PCNX1: variants seen among roughly 807,000 people sequenced by gnomAD.
The protein encoded by PCNX1 is pecanex-like protein 1.
In PCNX1, 78 loss-of-function variants were observed where a neutral mutation model predicts 242.2. The ratio of observed to expected loss-of-function variants is 0.32; its 90% CI spans 0.27 to 0.39. The LOEUF (loss-of-function observed/expected upper bound fraction) is 0.39, where lower values mean the gene tolerates loss of function less well. Among genes scored for constraint, PCNX1 ranks in the 10% least tolerant of loss-of-function variants. The pLI, the probability that PCNX1 is intolerant of heterozygous loss-of-function variation, is 1.00. For missense variants in PCNX1, 2,581 were observed against 2,856.5 expected, an observed-to-expected ratio of 0.90 and a Z score of 2.20; for synonymous variants, 1,024 against 1,032.9, an observed-to-expected ratio of 0.99 and a Z score of 0.17.
In PCNX1 at chr14:70,949,316, TACAC is replaced by T. The variant is rs558134121; in HGVS notation, c.362+2196_362+2199del. Among the ~76,000 whole-genome samples, 371 of 131,754 alleles carry T rather than the reference TACAC, an allele frequency of 2.8e-3. 1 individual carries two copies. Among genetic ancestry groups the T allele is most frequent in the African/African-American group, 0.01 (350 of 33,950 alleles). 86.4% of individuals were successfully genotyped at this position (131,754 alleles called of 152,430 possible). A position where few individuals can be genotyped will look rare whatever the true frequency, so the allele number is the denominator to read the frequency against. ...GTGTGTACACACATATGTGTGTAGA[TACAC>T]ACGTGTATACACGCACGTGCATACA... On this transcript the variant is annotated intron_variant, in intron 2 of 35. Transcript: ENST00000304743.
intron 3 of PCNX1, among the ~76,000 whole-genome samples, chr14:70,966,251 C>T (rs929340379): frequency 6.6e-6 from 1 of 152,132 alleles, no homozygotes; most frequent in African/African-American, 2.4e-5. Flanking sequence ...ATGTTTTTGT[C>T]AACAAGTAAT....
At chr14:70,942,987 CACTT>C (rs1469845794) in intron 1 of PCNX1, 2 of 153,016 alleles carry the variant, frequency 1.3e-5, no homozygotes, top group Non-Finnish European at 2.9e-5. Context: ...GCTGGGTACT[CACTT>C]CTTTCTCCTG....
At chr14:71,055,912 C>T (rs2061171351) in intron 25 of PCNX1, among the ~76,000 whole-genome samples, 1 of 152,156 alleles carries the variant, frequency 6.6e-6, no homozygotes, top group Non-Finnish European at 1.5e-5. Flanking sequence ...TAGTATGTTT[C>T]CTTCCACCCT....
intron 6 of PCNX1, among the ~76,000 whole-genome samples, chr14:70,985,794 ATTC>A (rs1031181415): frequency 2.0e-5 from 3 of 152,166 alleles, no homozygotes; most frequent in Admixed American, 2.0e-4. Context: ...AATTAATTTC[ATTC>A]TTCTTTGCCA....
At chr14:70,949,681 A>G (rs2057699987) in intron 2 of PCNX1, among the ~76,000 whole-genome samples, 2 of 152,082 alleles carry the variant, frequency 1.3e-5, no homozygotes, top group South Asian at 2.1e-4. Flanking sequence ...TTCCTTTCCC[A>G]TCCCAGCTGA....
chr14:71,060,674 T>C (rs1015142395), intron 26 of PCNX1: 3 of 152,202 alleles, frequency 2.0e-5, no homozygotes, highest in African/African-American at 7.2e-5. Context: ...ATAGCTGTGA[T>C]CTTGAAGAAC....
At chr14:70,997,617 A>G (rs1162290900) in intron 8 of PCNX1, among the ~76,000 whole-genome samples, 1 of 152,132 alleles carries the variant, frequency 6.6e-6, no homozygotes, top group Non-Finnish European at 1.5e-5. Context: ...TTTGGATTTT[A>G]TCTTTTCTGT....
chr14:71,104,859 G>A (rs1280345746), intron 32 of PCNX1, among the ~76,000 whole-genome samples: 2 of 152,188 alleles, frequency 1.3e-5, no homozygotes, highest in African/African-American at 4.8e-5. Context: ...CTTGGAGGTG[G>A]AGGTTGCAGT....
At chr14:71,028,185 ATC>A (rs1469540353) in intron 15 of PCNX1, among the ~76,000 whole-genome samples, 3 of 151,838 alleles carry the variant, frequency 2.0e-5, no homozygotes, top group East Asian at 1.9e-4. Flanking sequence ...TGTCTAAAGT[ATC>A]TGTTATTAGA....
At chr14:71,084,537 G>A (rs1052203121) in intron 28 of PCNX1, among the ~76,000 whole-genome samples, 5 of 152,202 alleles carry the variant, frequency 3.3e-5, no homozygotes, top group African/African-American at 1.2e-4. Flanking sequence ...TTTCAGAGAT[G>A]CCCTGCCCAG....
intron 26 of PCNX1, among the ~76,000 whole-genome samples, chr14:71,066,886 G>A (rs536390367): frequency 4.6e-5 from 7 of 152,228 alleles, no homozygotes; most frequent in Admixed American, 1.3e-4. Flanking sequence ...TTTGTCATTG[G>A]TTCTGTTTAT....
Position 71,033,363 on chromosome 14 carries a change from TA to T in PCNX1, c.3559-62del. 6 of 790,786 alleles carry T rather than the reference TA, an allele frequency of 7.6e-6. 1 individual carries two copies. Among genetic ancestry groups the T allele is most frequent in the South Asian group, 7.1e-5 (4 of 56,336 alleles). The allele number at this position is 790,786 out of a possible 1,614,324, so 49.0% of individuals were successfully genotyped here. On this transcript the variant is annotated intron_variant, in intron 16 of 35. Coordinates refer to ENST00000304743, the MANE Select transcript of PCNX1 (RefSeq NM_014982.3). ...GTTGTCTTTTTCCAAAATACGTACA[TA>T]AAAGGATTATGTGATATATTACAAA...
intron 13 of PCNX1, among the ~76,000 whole-genome samples, chr14:71,024,673 G>T (rs1226864444): frequency 2.0e-5 from 3 of 152,084 alleles, no homozygotes; most frequent in East Asian, 1.9e-4. Flanking sequence ...CTGGTTAAGG[G>T]TATTGTCTTC....
chr14:71,053,534 T>C (rs1419453866), intron 24 of PCNX1: 3 of 302,326 alleles, frequency 9.9e-6, no homozygotes, highest in Non-Finnish European at 1.9e-5. Flanking sequence ...ACCAGGCTGG[T>C]CTTGAACTTC....
chr14:71,031,700 C>A, intron 16 of PCNX1: 2 of 837,628 alleles, frequency 2.4e-6, no homozygotes, highest in Admixed American at 3.7e-5. Flanking sequence ...AGCCCCAGAG[C>A]TAAGTGGCCT....
At chr14:70,998,750 C>CAAAAAAA (rs34044438) in intron 8 of PCNX1, among the ~76,000 whole-genome samples, 21 of 89,052 alleles carry the variant, frequency 2.4e-4, no homozygotes, top group East Asian at 6.4e-4. Context: ...GACCCTATCT[C>CAAAAAAA]AAAAAAAAAA....
chr14:70,937,335 T>C (rs1594946681), intron 1 of PCNX1, among the ~76,000 whole-genome samples: 2 of 152,346 alleles, frequency 1.3e-5, no homozygotes, highest in Admixed American at 1.3e-4. Flanking sequence ...GGGATCCAGT[T>C]TCAGCTTTCT....
At position 71,006,139 on chromosome 14, in the gene PCNX1, G is replaced by A. The variant is rs372338880; in HGVS notation, c.2630-3495G>A. Among the ~76,000 whole-genome samples, 12 of 107,188 alleles carry A rather than the reference G, an allele frequency of 1.1e-4. No individual in the cohort carries two copies. In the East Asian group the frequency reaches 2.2e-3, roughly 20 times the overall value. 70.3% of individuals were successfully genotyped at this position (107,188 alleles called of 152,430 possible). ...TGTGTGTGTGTGTGTGTGTGTGTGT[G>A]TGTGTGTGTGTGTGTGTGTGTGTGT... On this transcript the variant is annotated intron_variant, in intron 8 of 35. Coordinates refer to ENST00000304743, the MANE Select transcript of PCNX1 (RefSeq NM_014982.3).
At chr14:70,943,859 A>T (rs2057360025) in intron 1 of PCNX1, among the ~76,000 whole-genome samples, 1 of 152,232 alleles carries the variant, frequency 6.6e-6, no homozygotes, top group South Asian at 2.1e-4. Context: ...AAAAGGGGCC[A>T]ATGTGCAGCT....
Sources: gnomAD v4.1 joint callset for allele counts (sites outside exome capture counted in the v4.1 genomes callset) on GRCh38, gnomAD v4.1.1 for gene constraint, MANE v1.5 for transcripts, NCBI Gene and HGNC (gene_info 2026-07-23, HGNC 2026-07-21) for gene names.